Variants in NBAS observed in about 807,000 individuals in gnomAD.
NBAS encodes the protein NBAS subunit of NRZ tethering complex, also known as NAG/BC035112 fusion.
Under a neutral mutation model 302.5 loss-of-function variants are expected in NBAS, and 219 were observed. The ratio of observed to expected loss-of-function variants is 0.72; its 90% CI spans 0.65 to 0.81. The LOEUF (loss-of-function observed/expected upper bound fraction) is 0.81, where lower values mean the gene tolerates loss of function less well. Among genes scored for constraint, NBAS ranks in the 30% least tolerant of loss-of-function variants. NBAS has a pLI of 0.00. For synonymous variants in NBAS, 1,118 were observed against 1,021.6 expected (o/e 1.09, Z -1.80); for missense variants, 2,932 against 2,841.6 (o/e 1.03, Z -0.72).
chr2:15,066,404 T>C, the NBAS span, among the ~76,000 whole-genome samples: 1 of 152,002 alleles, frequency 6.6e-6, no homozygotes, highest in South Asian at 2.1e-4. Context: ...AGAAAAACCA[T>C]CACACAGTGA....
At chr2:15,339,083 G>T (rs1333514658) in intron 35 of NBAS, among the ~76,000 whole-genome samples, 2 of 152,062 alleles carry the variant, frequency 1.3e-5, no homozygotes, top group Admixed American at 6.6e-5. Flanking sequence ...ACCCTTCTTG[G>T]ATGTCCTAGA....
chr2:14,841,218 A>C, the NBAS span, among the ~76,000 whole-genome samples: 1 of 151,916 alleles, frequency 6.6e-6, no homozygotes, highest in African/African-American at 2.4e-5. Context: ...GTGATAGATT[A>C]AAATATATTC....
chr2:15,461,409 T>C, intron 20 of NBAS, 72 bp from the exon 21 acceptor site: 2 of 1,528,962 alleles, frequency 1.3e-6, no homozygotes, highest in South Asian at 2.3e-5. Context: ...TATGACAACA[T>C]TCAAAAACTA....
chr2:15,338,546 G>A (rs1361295864), intron 35 of NBAS, among the ~76,000 whole-genome samples: 2 of 152,088 alleles, frequency 1.3e-5, no homozygotes, highest in African/African-American at 2.4e-5. Context: ...TAGCAGGCAA[G>A]GCTACAGCTT....
the NBAS span, among the ~76,000 whole-genome samples, chr2:14,930,163 T>A: frequency 6.6e-6 from 1 of 152,314 alleles, no homozygotes; most frequent in East Asian, 1.9e-4. Context: ...CATAGCAGTG[T>A]GAGAATGGAC....
rs369254532 is a variant in NBAS at position 15,360,649 on chromosome 2, C to CTTTTTTTTTTT, written c.3818-4244_3818-4234dup. On this transcript the variant is annotated intron_variant, in intron 32 of 51. Transcript: ENST00000281513. Reference sequence around the variant, plus strand: ...AGAAGTCTGAGCCGCCATGACCAGCCTTTTTTTTTTTTTTTTTTTTAACTT... The same window carrying CTTTTTTTTTTT: ...AGAAGTCTGAGCCGCCATGACCAGCCTTTTTTTTTTTTTTTTTTTTTTTTTTTTTTTAACTT... Among the ~76,000 whole-genome samples the CTTTTTTTTTTT allele has an allele frequency of 9.7e-5, 12 of 123,240 alleles. 2 individuals carry two copies. Among genetic ancestry groups the CTTTTTTTTTTT allele is most frequent in the Middle Eastern group, 4.8e-3 (1 of 210 alleles). 80.9% of individuals were successfully genotyped at this position (123,240 alleles called of 152,430 possible). A position where few individuals can be genotyped will look rare whatever the true frequency, so the allele number is the denominator to read the frequency against.
intron 9 of NBAS, among the ~76,000 whole-genome samples, chr2:15,533,355 T>A (rs1663314362): frequency 6.6e-6 from 1 of 152,080 alleles, no homozygotes; most frequent in Admixed American, 6.6e-5. Flanking sequence ...AACAAAAAAT[T>A]TAGAAACAAA....
At chr2:15,006,203 A>G in the NBAS span, among the ~76,000 whole-genome samples, 2 of 152,224 alleles carry the variant, frequency 1.3e-5, no homozygotes, top group Non-Finnish European at 2.9e-5. Flanking sequence ...AAAAAAAATC[A>G]CAGTCCTTCC....
chr2:14,961,986 C>T, the NBAS span, among the ~76,000 whole-genome samples: 6 of 152,140 alleles, frequency 3.9e-5, no homozygotes, highest in African/African-American at 1.4e-4. Flanking sequence ...GTCAGCCAGG[C>T]TGGTCTCGAA....
intron 40 of NBAS, among the ~76,000 whole-genome samples, chr2:15,297,745 A>T (rs879928048): frequency 1.3e-5 from 2 of 152,212 alleles, no homozygotes; most frequent in Admixed American, 1.3e-4. Context: ...TTGCCATTAG[A>T]GTCCTTTTAC....
chr2:15,293,506 A>C (rs1441909571), intron 40 of NBAS, among the ~76,000 whole-genome samples: 1 of 152,136 alleles, frequency 6.6e-6, no homozygotes, highest in Non-Finnish European at 1.5e-5. Context: ...ATTTATATTA[A>C]AGTTGGTCTG....
intron 35 of NBAS, among the ~76,000 whole-genome samples, chr2:15,345,555 T>C (rs1033792407): frequency 3.9e-5 from 6 of 152,114 alleles, no homozygotes; most frequent in Admixed American, 1.3e-4. Flanking sequence ...GAAGAATCAA[T>C]GTATCGTGAA....
intron 42 of NBAS, among the ~76,000 whole-genome samples, chr2:15,285,259 A>G (rs939571785): frequency 6.6e-6 from 1 of 152,218 alleles, no homozygotes; most frequent in Non-Finnish European, 1.5e-5. Flanking sequence ...TGCTAAAAAT[A>G]GCATTTCTTG....
chr2:15,292,586 A>C lies in NBAS; in HGVS notation c.4978T>G (p.Phe1660Val), dbSNP rs1558508811. 3 of 1,614,056 alleles carry C rather than the reference A, an allele frequency of 1.9e-6. No homozygotes were observed. Among genetic ancestry groups the C allele is most frequent in the Admixed American group, 3.3e-5 (2 of 59,998 alleles). The change falls in exon 41 of 52, where the codon TTT (phenylalanine) becomes GTT (valine). Residue 1660 changes from phenylalanine to valine, a missense_variant. Coordinates refer to ENST00000281513, the MANE Select transcript of NBAS (RefSeq NM_015909.4). ...GLRKGVDVQR[F>V]TADDQYKRET... ...CTTTTATACTGGTCATCTGCAGTAA[A>C]CCGCTGCACGTCCACACCCTTCCGA...
At chr2:15,431,826 C>T (rs1185909637) in intron 21 of NBAS, among the ~76,000 whole-genome samples, 3 of 151,698 alleles carry the variant, frequency 2.0e-5, no homozygotes, top group Non-Finnish European at 4.4e-5. Context: ...TTGGATATCC[C>T]ATTATATCTC....
intron 42 of NBAS, among the ~76,000 whole-genome samples, chr2:15,278,145 A>C (rs887858706): frequency 3.9e-5 from 6 of 152,190 alleles, no homozygotes; most frequent in Non-Finnish European, 7.4e-5. Flanking sequence ...TGGTTTATGT[A>C]GATAAAGTTA....
At chr2:14,983,992 C>T in the NBAS span, among the ~76,000 whole-genome samples, 3 of 151,948 alleles carry the variant, frequency 2.0e-5, no homozygotes, top group Non-Finnish European at 2.9e-5. Context: ...TCCGAGGGGG[C>T]GTGCCAACCC....
chr2:15,542,755 T>C (rs1216688511), intron 6 of NBAS, among the ~76,000 whole-genome samples: 2 of 152,076 alleles, frequency 1.3e-5, no homozygotes, highest in Non-Finnish European at 2.9e-5. Flanking sequence ...ACCAGCAAGA[T>C]GACAATTTTC....
chr2:14,981,206 C>G, the NBAS span, among the ~76,000 whole-genome samples: 1 of 152,164 alleles, frequency 6.6e-6, no homozygotes, highest in Non-Finnish European at 1.5e-5. Context: ...TTATAGCAAA[C>G]TGATATCCCA....
Sources: gnomAD v4.1 joint callset for allele counts (sites outside exome capture counted in the v4.1 genomes callset) on GRCh38, gnomAD v4.1.1 for gene constraint, MANE v1.5 for transcripts, NCBI Gene and HGNC (gene_info 2026-07-23, HGNC 2026-07-21) for gene names.